The following CPEB4 variants were observed in gnomAD, a reference collection of about 807,000 sequenced individuals.
CPEB4 encodes cytoplasmic polyadenylation element binding protein 4.
In CPEB4, 12 loss-of-function variants were observed where a neutral mutation model predicts 72.5. That is an observed-to-expected ratio of 0.17 (90% CI 0.11 to 0.27). CPEB4 has a LOEUF of 0.27. Among genes scored for constraint, CPEB4 ranks in the 10% least tolerant of loss-of-function variants. The pLI, the probability that CPEB4 is intolerant of heterozygous loss-of-function variation, is 1.00. For missense variants in CPEB4, 614 were observed against 908.5 expected, an observed-to-expected ratio of 0.68 and a Z score of 4.17; for synonymous variants, 302 against 326.3, an observed-to-expected ratio of 0.93 and a Z score of 0.80.
At chr5:173,945,543 C>T (rs1194436817) in intron 5 of CPEB4, among the ~76,000 whole-genome samples, 2 of 152,156 alleles carry the variant, frequency 1.3e-5, no homozygotes, top group African/African-American at 2.4e-5. Context: ...AAATCTTAGA[C>T]TAAGCATGAA....
chr5:173,943,488 C>T (rs962848382), intron 4 of CPEB4, among the ~76,000 whole-genome samples: 1 of 151,996 alleles, frequency 6.6e-6, no homozygotes, highest in African/African-American at 2.4e-5. Context: ...GTAAACAATA[C>T]ATGTGGTTTA....
chr5:173,914,340 T>C (rs891557565), intron 2 of CPEB4, among the ~76,000 whole-genome samples: 1 of 152,224 alleles, frequency 6.6e-6, no homozygotes, highest in African/African-American at 2.4e-5. Context: ...TAATAAAATT[T>C]GAATAACTTA....
chr5:173,936,886 C>T (rs17076726), intron 3 of CPEB4, among the ~76,000 whole-genome samples: 64,068 of 150,624 alleles, frequency 0.43, 14,089 homozygotes, highest in South Asian at 0.52. Flanking sequence ...CAAAAATGAA[C>T]CTTGTGGCAG....
At position 173,948,153 on chromosome 5, in the gene CPEB4, A is replaced by C. The variant is rs139657838; in HGVS notation, c.1457-1355A>C. Among the ~76,000 whole-genome samples, 85 of 152,340 alleles carry C rather than the reference A, an allele frequency of 5.6e-4. No homozygotes were observed. The East Asian group carries it at 0.014, about 25-fold the overall frequency. ...AATGGGACAGATGGAAAACTCTTCTACTGCACAATACTAACTAATATATGT... is the reference window on the plus strand; with the variant it reads ...AATGGGACAGATGGAAAACTCTTCTCCTGCACAATACTAACTAATATATGT... On this transcript the variant is annotated intron_variant, in intron 5 of 9. Coordinates refer to ENST00000265085, the MANE Select transcript of CPEB4 (RefSeq NM_030627.4).
chr5:173,943,571 A>G (rs1342323815), intron 4 of CPEB4, among the ~76,000 whole-genome samples: 1 of 152,186 alleles, frequency 6.6e-6, no homozygotes. Flanking sequence ...TAGAAATTTT[A>G]GGTAATTCTA....
intron 1 of CPEB4, among the ~76,000 whole-genome samples, chr5:173,904,535 T>A (rs1027166846): frequency 8.5e-5 from 13 of 152,202 alleles, no homozygotes; most frequent in African/African-American, 2.9e-4. Flanking sequence ...AATATTTGTA[T>A]AAGTAAAATA....
intron 1 of CPEB4, among the ~76,000 whole-genome samples, chr5:173,905,703 A>G (rs1443210992): frequency 6.6e-6 from 1 of 152,174 alleles, no homozygotes; most frequent in Non-Finnish European, 1.5e-5. Context: ...AAAGTGATGG[A>G]CTTTGATTAG....
chr5:173,961,375 T>C lies in CPEB4; in HGVS notation c.*5238T>C, dbSNP rs774162482. 1.3e-5 allele frequency: 2 copies of C among 152,250 alleles called. No homozygotes were observed. Among genetic ancestry groups the C allele is most frequent in the Non-Finnish European group, 2.9e-5 (2 of 68,040 alleles). 9.4% of individuals were successfully genotyped at this position (152,250 alleles called of 1,614,324 possible). On this transcript the variant is annotated 3_prime_UTR_variant, in exon 10 of 10. Transcript: ENST00000265085. ...AGCATATTTAGTTTATTTTAGGAAATGTTTATTTCAGGTAAGTGAGATATC... is the reference window on the plus strand; with the variant it reads ...AGCATATTTAGTTTATTTTAGGAAACGTTTATTTCAGGTAAGTGAGATATC...
At chr5:173,894,270 C>T (rs933888949) in intron 1 of CPEB4, among the ~76,000 whole-genome samples, 1 of 152,122 alleles carries the variant, frequency 6.6e-6, no homozygotes, top group Non-Finnish European at 1.5e-5. Flanking sequence ...GTGTGAGCCA[C>T]CGTGCCTGAC....
chr5:173,889,549 C>G lies in CPEB4; in HGVS notation c.-185C>G. 2.2e-6 allele frequency: 1 copy of G among 459,478 alleles called. No individual in the cohort carries two copies. The allele number at this position is 459,478 out of a possible 1,614,324, so 28.5% of individuals were successfully genotyped here. A position where few individuals can be genotyped will look rare whatever the true frequency, so the allele number is the denominator to read the frequency against. ...GAGATTTTTTTAAGAGTTGTTTTTTCTTTCAGAGACCAGAATTCCAAATCA... is the reference window on the plus strand; with the variant it reads ...GAGATTTTTTTAAGAGTTGTTTTTTGTTTCAGAGACCAGAATTCCAAATCA... On this transcript the variant is annotated 5_prime_UTR_variant, in exon 1 of 10. Transcript: ENST00000265085.
chr5:173,932,628 A>G, intron 3 of CPEB4, 128 bp downstream of exon 3: 2 of 626,626 alleles, frequency 3.2e-6, no homozygotes, highest in East Asian at 3.1e-5. Context: ...ACTATCAGCT[A>G]TTTTAAGAAT....
chr5:173,925,455 A>C (rs1371390636), intron 2 of CPEB4, among the ~76,000 whole-genome samples: 1 of 152,202 alleles, frequency 6.6e-6, no homozygotes, highest in Non-Finnish European at 1.5e-5. Flanking sequence ...GAATAAGCTT[A>C]CTGATTTTGA....
At chr5:173,915,466 C>T (rs924795682) in intron 2 of CPEB4, among the ~76,000 whole-genome samples, 8 of 151,960 alleles carry the variant, frequency 5.3e-5, no homozygotes, top group Non-Finnish European at 8.8e-5. Context: ...TATTTTTATC[C>T]GCGAAATTGT....
intron 1 of CPEB4, among the ~76,000 whole-genome samples, chr5:173,904,972 GATAATAATAATAATAATA>G (rs370259283): frequency 3.2e-5 from 4 of 125,240 alleles, no homozygotes; most frequent in South Asian, 2.5e-4. Flanking sequence ...CCCTGTCTCA[GATAATAATAATAATAATA>G]ATAATAATAA....
chr5:173,890,500 C>T lies in CPEB4; in HGVS notation c.767C>T (p.Pro256Leu). Reference protein sequence around the residue: ...HQQQRRSPASPHPPPFTHRNA... With the variant: ...HQQQRRSPASLHPPPFTHRNA... ...CAGCAAAGGAGGTCTCCTGCCAGTC[C>T]CCATCCCCCACCCTTCACACATAGA... is the stretch of plus-strand genomic sequence containing the variant. The change falls in exon 1 of 10, where the codon CCC becomes CTC. Residue 256 changes from proline (P) to leucine (L), a missense_variant. By Grantham distance (98) the Pro-to-Leu change is moderately conservative. Transcript: ENST00000265085. The T allele has an allele frequency of 6.2e-7, 1 of 1,612,542 alleles. No homozygotes were observed.
At chr5:173,901,386 A>T (rs555387148) in intron 1 of CPEB4, among the ~76,000 whole-genome samples, 1 of 152,252 alleles carries the variant, frequency 6.6e-6, no homozygotes, top group Non-Finnish European at 1.5e-5. Flanking sequence ...TACAGGAGCT[A>T]TAATGAAAAA....
chr5:173,890,510 A>C lies in CPEB4; in HGVS notation c.777A>C (p.Pro259=), dbSNP rs1196557366. 10 of 1,613,138 alleles carry C rather than the reference A, an allele frequency of 6.2e-6. No homozygotes were observed. Among genetic ancestry groups the C allele is most frequent in the Admixed American group, 3.3e-5 (2 of 59,930 alleles). ...GGTCTCCTGCCAGTCCCCATCCCCC[A>C]CCCTTCACACATAGAAATGCTGCTT... is the stretch of plus-strand genomic sequence containing the variant. ...QRRSPASPHP[P]PFTHRNAAFN... is the part of the protein sequence containing the mutation. The change falls in exon 1 of 10, where the codon CCA becomes CCC. Residue 259 remains proline (P), a synonymous_variant. Coordinates refer to ENST00000265085, the MANE Select transcript of CPEB4 (RefSeq NM_030627.4).
At chr5:173,926,399 A>G (rs1361715522) in intron 2 of CPEB4, among the ~76,000 whole-genome samples, 1 of 152,170 alleles carries the variant, frequency 6.6e-6, no homozygotes, top group Non-Finnish European at 1.5e-5. Context: ...TCCTGCCCCC[A>G]CCTATTCTAA....
chr5:173,914,240 T>A (rs1581127721), intron 2 of CPEB4, among the ~76,000 whole-genome samples: 1 of 152,224 alleles, frequency 6.6e-6, no homozygotes, highest in Admixed American at 6.5e-5. Context: ...TCAAACTATC[T>A]TCTGATTTAG....
Sources: allele counts gnomAD v4.1 joint callset (sites outside exome capture counted in the v4.1 genomes callset), GRCh38; gene constraint gnomAD v4.1.1; transcripts MANE v1.5; gene names NCBI Gene and HGNC (gene_info 2026-07-23, HGNC 2026-07-21).